PDGFRL: variants seen among roughly 807,000 people sequenced by gnomAD.
PDGFRL encodes the protein platelet derived growth factor receptor like, also known as platelet-derived growth factor receptor-like protein.
PDGFRL carries 46 observed loss-of-function variants against 37.2 expected under a neutral mutation model. That is an observed-to-expected ratio of 1.24 (90% CI 0.98 to 1.58). The LOEUF is 1.58. PDGFRL is among the 40% of genes most tolerant of loss of function. PDGFRL has a pLI of 0.00. For synonymous variants in PDGFRL, 251 were observed against 184.3 expected (o/e 1.36, Z -2.93); for missense variants, 692 against 467.6 (o/e 1.48, Z -4.43).
chr8:17,640,447 A>C (rs1805067689), intron 5 of PDGFRL, among the ~76,000 whole-genome samples: 1 of 152,152 alleles, frequency 6.6e-6, no homozygotes, highest in South Asian at 2.1e-4. Context: ...GCTGCTCTTC[A>C]TATTCTTTTG....
chr8:17,607,244 T>G (rs1433385625), intron 2 of PDGFRL, among the ~76,000 whole-genome samples: 1 of 152,124 alleles, frequency 6.6e-6, no homozygotes, highest in Non-Finnish European at 1.5e-5. Flanking sequence ...TCACTGATGC[T>G]CATACTAATG....
intron 3 of PDGFRL, among the ~76,000 whole-genome samples, chr8:17,627,664 C>T (rs576701205): frequency 2.7e-5 from 4 of 150,552 alleles, no homozygotes; most frequent in African/African-American, 9.8e-5. Context: ...TTAGTTGAGA[C>T]GGGGTTTCAC....
At chr8:17,596,107 T>TTACCCTTGCTGTG (rs1554550311) in intron 2 of PDGFRL, among the ~76,000 whole-genome samples, 3 of 151,766 alleles carry the variant, frequency 2.0e-5, no homozygotes, top group African/African-American at 7.3e-5. Flanking sequence ...AGCCCCAGAG[T>TTACCCTTGCTGTG]TACCCTTGCT....
chr8:17,594,821 G>A (rs1464529123), intron 2 of PDGFRL, among the ~76,000 whole-genome samples: 1 of 152,162 alleles, frequency 6.6e-6, no homozygotes, highest in African/African-American at 2.4e-5. Flanking sequence ...GATTACAGGC[G>A]TGAGCCACTG....
chr8:17,577,337 G>C (rs1023126855), intron 1 of PDGFRL, 30 bp downstream of exon 1: 6 of 1,591,708 alleles, frequency 3.8e-6, no homozygotes, highest in Non-Finnish European at 4.3e-6. Context: ...GGGCCACCTA[G>C]CTTGTGCCCT....
At chr8:17,630,609 CG>C (rs1213710879) in intron 4 of PDGFRL, among the ~76,000 whole-genome samples, 2 of 152,178 alleles carry the variant, frequency 1.3e-5, no homozygotes, top group Non-Finnish European at 2.9e-5. Flanking sequence ...AGCTCTGAGT[CG>C]GAGGCCACAG....
chr8:17,593,596 CAAA>C (rs533160744), intron 2 of PDGFRL, among the ~76,000 whole-genome samples: 1 of 125,004 alleles, frequency 8.0e-6, no homozygotes. Context: ...GAGACTGTTT[CAAA>C]AAAAAAAAAA....
At chr8:17,635,132 A>C (rs1804946266) in intron 5 of PDGFRL, among the ~76,000 whole-genome samples, 1 of 152,002 alleles carries the variant, frequency 6.6e-6, no homozygotes, top group Admixed American at 6.6e-5. Flanking sequence ...TTTGTTTTTA[A>C]TATATTTTGT....
intron 2 of PDGFRL, among the ~76,000 whole-genome samples, chr8:17,598,001 TG>T (rs5889724): frequency 0.78 from 118,426 of 152,142 alleles, 50,761 homozygotes; most frequent in Non-Finnish European, 0.96. Flanking sequence ...TCCCAGCTTG[TG>T]GCTTTTTGAG....
intron 3 of PDGFRL, among the ~76,000 whole-genome samples, chr8:17,624,755 AAAATT>A (rs1323960063): frequency 1.3e-5 from 2 of 152,242 alleles, no homozygotes; most frequent in East Asian, 3.9e-4. Flanking sequence ...CTAAAATGCA[AAAATT>A]AGGTGGGCAT....
At chr8:17,584,119 G>T (rs1172627281) in intron 1 of PDGFRL, among the ~76,000 whole-genome samples, 1 of 152,142 alleles carries the variant, frequency 6.6e-6, no homozygotes, top group African/African-American at 2.4e-5. Flanking sequence ...TTCAGGGTCT[G>T]TTTTCAAGAT....
intron 5 of PDGFRL, among the ~76,000 whole-genome samples, chr8:17,634,478 C>T (rs941691955): frequency 7.9e-5 from 12 of 151,044 alleles, no homozygotes; most frequent in Non-Finnish European, 1.2e-4. Flanking sequence ...TCTTCATATG[C>T]AGGTTTTTTT....
chr8:17,600,410 C>T (rs1056713253), intron 2 of PDGFRL, among the ~76,000 whole-genome samples: 3 of 152,192 alleles, frequency 2.0e-5, no homozygotes, highest in African/African-American at 7.2e-5. Flanking sequence ...CTCCTCTCTA[C>T]TTGCTGGCGA....
intron 5 of PDGFRL, among the ~76,000 whole-genome samples, chr8:17,641,129 C>T (rs1193858573): frequency 6.6e-6 from 1 of 152,182 alleles, no homozygotes; most frequent in Non-Finnish European, 1.5e-5. Flanking sequence ...CTGTCCCTGC[C>T]AACAGCACCG....
intron 5 of PDGFRL, 150 bp from the exon 6 acceptor site, chr8:17,642,463 T>G (rs1805151340): frequency 1.6e-6 from 1 of 615,914 alleles, no homozygotes; most frequent in South Asian, 2.0e-5. Flanking sequence ...TGTAGAAGCT[T>G]CCACAGCTTA....
intron 2 of PDGFRL, among the ~76,000 whole-genome samples, chr8:17,597,844 T>C (rs1466296386): frequency 6.6e-6 from 1 of 152,180 alleles, no homozygotes; most frequent in Admixed American, 6.5e-5. Context: ...ATTTGGGATT[T>C]GGGAATTTGT....
intron 2 of PDGFRL, among the ~76,000 whole-genome samples, chr8:17,600,808 A>C (rs1243911030): frequency 7.2e-6 from 1 of 138,618 alleles, no homozygotes; most frequent in Non-Finnish European, 1.6e-5. Context: ...TCTCTAAAAA[A>C]AAAAAACAAA....
At chr8:17,596,357 C>T (rs1409088308) in intron 2 of PDGFRL, 4 of 1,237,858 alleles carry the variant, frequency 3.2e-6, no homozygotes, top group African/African-American at 3.1e-5. Flanking sequence ...AGCCAACGCG[C>T]CCGCAGGACC....
rs143402341 is a variant in PDGFRL at position 17,634,138 on chromosome 8, C to T, written c.864C>T (p.Asp288=). Reference sequence around the variant, plus strand: ...CAAACAAAGTGAAAAGTGGGGACGACATCAGTGTGCTCTGCACTGTCCTGG... The same window carrying T: ...CAAACAAAGTGAAAAGTGGGGACGATATCAGTGTGCTCTGCACTGTCCTGG... The part of the protein sequence containing the change: ...ASSNKVKSGD[D]ISVLCTVLGE... Residue 288 remains aspartate (D), a synonymous_variant, in exon 5 of 6, where the codon GAC becomes GAT. Transcript: ENST00000251630. The T allele has an allele frequency of 5.6e-6, 9 of 1,612,988 alleles. No individual in the cohort carries two copies. In the African/African-American group the frequency reaches 6.7e-5, roughly 12 times the overall value.
Sources: allele counts gnomAD v4.1 joint callset (sites outside exome capture counted in the v4.1 genomes callset), GRCh38; gene constraint gnomAD v4.1.1; transcripts MANE v1.5; gene names NCBI Gene and HGNC (gene_info 2026-07-23, HGNC 2026-07-21).